ARHGAP28: variants seen among roughly 807,000 people sequenced by gnomAD.
ARHGAP28 encodes the protein rho GTPase-activating protein 28.
A neutral mutation model predicts 90.7 loss-of-function variants in ARHGAP28; 56 were observed. The ratio of observed to expected loss-of-function variants is 0.62; its 90% CI spans 0.50 to 0.77. The LOEUF is 0.77. ARHGAP28 is among the 30% of genes least tolerant of loss of function. The pLI is 0.00. For synonymous variants in ARHGAP28, 308 were observed against 323.3 expected (o/e 0.95, Z 0.51); for missense variants, 869 against 900.9 (o/e 0.96, Z 0.45).
At chr18:6,787,844 C>T (rs898674444) in intron 1 of ARHGAP28, among the ~76,000 whole-genome samples, 2 of 152,192 alleles carry the variant, frequency 1.3e-5, no homozygotes, top group Non-Finnish European at 2.9e-5. Context: ...TTAATTCCAA[C>T]TTTTTAAATA....
intron 3 of ARHGAP28, among the ~76,000 whole-genome samples, chr18:6,841,167 CCTCTCTCTCTCTCCTCTCTCT>C (rs1218370186): frequency 5.0e-4 from 40 of 79,934 alleles, no homozygotes; most frequent in South Asian, 3.9e-4. Flanking sequence ...TTCTCTCTCT[CCTCTCTCTCTCTCCTCTCTCT>C]CTCTCTCTCT....
intron 2 of ARHGAP28, among the ~76,000 whole-genome samples, chr18:6,831,063 G>A (rs1462196538): frequency 6.6e-6 from 1 of 152,166 alleles, no homozygotes; most frequent in Non-Finnish European, 1.5e-5. Flanking sequence ...GTGTATGACA[G>A]ACAGTTCCAT....
chr18:6,868,132 T>A lies in ARHGAP28; in HGVS notation c.727-18T>A, dbSNP rs777850963. ...TTTATGGTAAAATGTTTTGTGTTCA[T>A]CTTCCTTTGCTTGGCAGGCTATACT... On this transcript the variant is annotated intron_variant, in intron 5 of 17. Coordinates refer to ENST00000383472, the MANE Select transcript of ARHGAP28 (RefSeq NM_001366230.1). The A allele has an allele frequency of 6.2e-7, 1 of 1,604,912 alleles. No individual in the cohort carries two copies. The highest frequency in any genetic ancestry group is 8.5e-7 in the Non-Finnish European group (1 of 1,171,692).
chr18:6,750,415 C>G (rs1012331194), intron 1 of ARHGAP28, among the ~76,000 whole-genome samples: 4 of 152,220 alleles, frequency 2.6e-5, no homozygotes, highest in African/African-American at 9.7e-5. Context: ...ATCCTACTTC[C>G]TTTGCCTGAA....
At chr18:6,896,758 A>G in intron 16 of ARHGAP28, 132 bp downstream of exon 16, 1 of 1,031,310 alleles carries the variant, frequency 9.7e-7, no homozygotes, top group African/African-American at 1.6e-5. Flanking sequence ...TTACCAGTGG[A>G]TTACGAGAAT....
rs2056907519 is a variant in ARHGAP28 at position 6,851,136 on chromosome 18, A to G, written c.636+10A>G. ...GACAAGTGGTTCCATGGTAAGTTAT[A>G]GTTGTGGGGGGATGGTGGTAGGCAT... On this transcript the variant is annotated intron_variant, in intron 4 of 17. Coordinates refer to ENST00000383472, the MANE Select transcript of ARHGAP28 (RefSeq NM_001366230.1). 1.2e-6 allele frequency: 2 copies of G among 1,611,842 alleles called. No homozygotes were observed. Among genetic ancestry groups the G allele is most frequent in the Non-Finnish European group, 8.5e-7 (1 of 1,178,528 alleles).
intron 3 of ARHGAP28, among the ~76,000 whole-genome samples, chr18:6,843,967 A>C (rs1237245191): frequency 1.3e-5 from 2 of 152,218 alleles, no homozygotes; most frequent in Non-Finnish European, 2.9e-5. Flanking sequence ...TACATCACGC[A>C]TGGTTTACAG....
At chr18:6,847,451 A>C (rs1600242589) in intron 3 of ARHGAP28, among the ~76,000 whole-genome samples, 2 of 152,212 alleles carry the variant, frequency 1.3e-5, no homozygotes, top group Non-Finnish European at 2.9e-5. Context: ...TCTATTTTAG[A>C]CTGGTATGTT....
intron 1 of ARHGAP28, among the ~76,000 whole-genome samples, chr18:6,799,441 C>T (rs2056465784): frequency 6.6e-6 from 1 of 152,116 alleles, no homozygotes; most frequent in African/African-American, 2.4e-5. Flanking sequence ...CAATCCTAAG[C>T]AAAAAGAACA....
chr18:6,889,998 A>G lies in ARHGAP28; in HGVS notation c.1647A>G (p.Lys549=). 6.2e-7 allele frequency: 1 copy of G among 1,614,168 alleles called. No homozygotes were observed. The highest frequency in any genetic ancestry group is 8.5e-7 in the Non-Finnish European group (1 of 1,180,020). The change falls in exon 13 of 18, where the codon AAA becomes AAG. Residue 549 remains lysine, a synonymous_variant. Transcript: ENST00000383472. ...CAAACCTTTTCTTCAGTAGAAGCAAACACTCTGATTATGAAGAATTACTGT... is the reference window on the plus strand; with the variant it reads ...CAAACCTTTTCTTCAGTAGAAGCAAGCACTCTGATTATGAAGAATTACTGT... ...MAPNLFFSRS[K]HSDYEELLLA...
intron 3 of ARHGAP28, among the ~76,000 whole-genome samples, chr18:6,838,570 A>G (rs1452751729): frequency 1.3e-5 from 2 of 152,222 alleles, no homozygotes; most frequent in African/African-American, 4.8e-5. Flanking sequence ...CCAGTATGGT[A>G]GCTCCAGATA....
At chr18:6,835,368 T>C (rs1194243221) in intron 2 of ARHGAP28, among the ~76,000 whole-genome samples, 1 of 152,242 alleles carries the variant, frequency 6.6e-6, no homozygotes, top group Non-Finnish European at 1.5e-5. Context: ...CTTAAAGGGC[T>C]TACTACTTAG....
rs1600265120 is a variant in ARHGAP28 at position 6,868,358 on chromosome 18, C to G, written c.811+124C>G. 3 of 784,370 alleles carry G rather than the reference C, an allele frequency of 3.8e-6. No individual in the cohort carries two copies. The East Asian group carries it at 8.2e-5, about 21-fold the overall frequency. The allele number at this position is 784,370 out of a possible 1,614,324, so 48.6% of individuals were successfully genotyped here. A position where few individuals can be genotyped will look rare whatever the true frequency, so the allele number is the denominator to read the frequency against. On this transcript the variant is annotated intron_variant, in intron 6 of 17. Transcript: ENST00000383472. The stretch of plus-strand genomic sequence containing the variant: ...GTGTGCTTTTCTCCCTGTTGTGATT[C>G]TGTCACTTCCATCGCTCACTCCTTC...
chr18:6,823,881 G>A (rs918505457), intron 1 of ARHGAP28, among the ~76,000 whole-genome samples: 3 of 151,942 alleles, frequency 2.0e-5, no homozygotes, highest in African/African-American at 7.3e-5. Flanking sequence ...CAAATAGCTG[G>A]GATTACAGAT....
chr18:6,818,515 C>T (rs549476473), intron 1 of ARHGAP28, among the ~76,000 whole-genome samples: 1 of 151,922 alleles, frequency 6.6e-6, no homozygotes, highest in Non-Finnish European at 1.5e-5. Flanking sequence ...GAAAATAGAC[C>T]CCCCCAAAAC....
rs1333701522 is a variant in ARHGAP28, at chr18:6,915,002, ATTG to A, written c.*2854_*2856del. 1 of 152,616 alleles carries A rather than the reference ATTG, an allele frequency of 6.6e-6. No individual in the cohort carries two copies. Among genetic ancestry groups the A allele is most frequent in the Non-Finnish European group, 1.5e-5 (1 of 68,020 alleles). 9.5% of individuals were successfully genotyped at this position (152,616 alleles called of 1,614,324 possible). On this transcript the variant is annotated 3_prime_UTR_variant, in exon 18 of 18. Transcript: ENST00000383472. Reference sequence around the variant, plus strand: ...AAAAAAAAATGAATGGACTTTAACAATTGTTGTTACAAACTGTGCCTGAATCTT... The same window carrying A: ...AAAAAAAAATGAATGGACTTTAACAATTGTTACAAACTGTGCCTGAATCTT...
intron 1 of ARHGAP28, among the ~76,000 whole-genome samples, chr18:6,815,869 A>G (rs1034739046): frequency 6.6e-6 from 1 of 151,630 alleles, no homozygotes; most frequent in Non-Finnish European, 1.5e-5. Flanking sequence ...GAGGTTATCC[A>G]TAAATGCCTA....
chr18:6,850,395 C>T (rs1322020724), intron 3 of ARHGAP28, among the ~76,000 whole-genome samples: 1 of 152,140 alleles, frequency 6.6e-6, no homozygotes, highest in African/African-American at 2.4e-5. Flanking sequence ...ATGGTTTTGT[C>T]AGTTAGATCA....
intron 1 of ARHGAP28, among the ~76,000 whole-genome samples, chr18:6,765,596 G>A (rs2056194022): frequency 6.6e-6 from 1 of 151,732 alleles, no homozygotes; most frequent in Admixed American, 6.6e-5. Context: ...TTGTTTGCCT[G>A]CTTACAGTTT....
Sources: gnomAD v4.1 joint callset for allele counts (sites outside exome capture counted in the v4.1 genomes callset) on GRCh38, gnomAD v4.1.1 for gene constraint, MANE v1.5 for transcripts, NCBI Gene and HGNC (gene_info 2026-07-23, HGNC 2026-07-21) for gene names.